Variants in SNTG1 observed in about 807,000 individuals in gnomAD.
SNTG1 encodes the protein syntrophin gamma 1, also known as gamma-1-syntrophin.
SNTG1 carries 39 observed loss-of-function variants against 74.7 expected under a neutral mutation model. That is an observed-to-expected ratio of 0.52 (90% CI 0.40 to 0.68). The LOEUF (loss-of-function observed/expected upper bound fraction) is 0.68. Ranked by LOEUF, SNTG1 falls within the 30% of genes least tolerant of loss-of-function variation. SNTG1 has a pLI of 0.00. For missense variants in SNTG1, 685 were observed against 609.5 expected, an observed-to-expected ratio of 1.12 and a Z score of -1.30; for synonymous variants, 254 against 217.1, an observed-to-expected ratio of 1.17 and a Z score of -1.49.
intron 2 of SNTG1, among the ~76,000 whole-genome samples, chr8:50,390,115 T>G (rs6998496): frequency 0.69 from 102,712 of 149,770 alleles, 35,477 homozygotes; most frequent in East Asian, 0.84. Flanking sequence ...ATTTTGGCTT[T>G]TGTTGCCATT....
At chr8:50,687,099 C>T (rs2095355670) in intron 15 of SNTG1, among the ~76,000 whole-genome samples, 1 of 148,160 alleles carries the variant, frequency 6.7e-6, no homozygotes, top group Non-Finnish European at 1.5e-5. Flanking sequence ...TGCGCCACTG[C>T]AGTCCGCAGT....
intron 2 of SNTG1, among the ~76,000 whole-genome samples, chr8:50,305,682 C>A (rs1293148731): frequency 6.6e-6 from 1 of 151,038 alleles, no homozygotes; most frequent in Non-Finnish European, 1.5e-5. Context: ...TTTAATAATA[C>A]CTTTTTATTT....
chr8:50,198,686 TA>T (rs2083871853), intron 2 of SNTG1, among the ~76,000 whole-genome samples: 1 of 152,226 alleles, frequency 6.6e-6, no homozygotes, highest in African/African-American at 2.4e-5. Context: ...TGATGCCTTG[TA>T]GAATTTTTAG....
intron 1 of SNTG1, among the ~76,000 whole-genome samples, chr8:49,990,674 A>T (rs552395730): frequency 5.9e-5 from 9 of 152,246 alleles, no homozygotes; most frequent in African/African-American, 2.2e-4. Flanking sequence ...TGGTAAATCT[A>T]TTTTCAATTT....
intron 1 of SNTG1, among the ~76,000 whole-genome samples, chr8:50,157,863 AC>A (rs2082301267): frequency 1.3e-5 from 2 of 152,180 alleles, no homozygotes; most frequent in South Asian, 4.1e-4. Context: ...AAAAGTAGTT[AC>A]CAAACCTAGA....
At chr8:49,938,544 C>CTTCTA (rs1808297175) in intron 1 of SNTG1, among the ~76,000 whole-genome samples, 1 of 105,086 alleles carries the variant, frequency 9.5e-6, no homozygotes, top group Non-Finnish European at 2.0e-5. Flanking sequence ...CTTACCATGC[C>CTTCTA]TTCTTTTCTT....
At chr8:50,021,084 A>T (rs1030469677) in intron 1 of SNTG1, among the ~76,000 whole-genome samples, 1 of 152,164 alleles carries the variant, frequency 6.6e-6, no homozygotes, top group Non-Finnish European at 1.5e-5. Context: ...CCACAGTTCC[A>T]GGTATTGCTT....
chr8:50,220,250 C>T (rs890293667), intron 2 of SNTG1, among the ~76,000 whole-genome samples: 9 of 152,066 alleles, frequency 5.9e-5, no homozygotes, highest in Non-Finnish European at 1.0e-4. Context: ...TCTTTAATGT[C>T]GATAGGAAGT....
At chr8:50,518,513 C>T (rs1191761337) in intron 9 of SNTG1, among the ~76,000 whole-genome samples, 1 of 152,024 alleles carries the variant, frequency 6.6e-6, no homozygotes, top group Non-Finnish European at 1.5e-5. Context: ...TCAATGAATC[C>T]AGGGGCTGTT....
intron 1 of SNTG1, among the ~76,000 whole-genome samples, chr8:50,095,121 A>G (rs994381325): frequency 4.6e-5 from 7 of 152,262 alleles, no homozygotes; most frequent in African/African-American, 1.7e-4. Context: ...ACATAGACAA[A>G]AAGACGGGAG....
In SNTG1 at chr8:50,060,602, G is replaced by C. The variant is rs191026615; in HGVS notation, c.-102-111959G>C. Among the ~76,000 whole-genome samples the C allele has an allele frequency of 2.5e-3, 375 of 151,832 alleles. 4 individuals carry two copies. Among genetic ancestry groups the C allele is most frequent in the Non-Finnish European group, 6.5e-4 (44 of 67,926 alleles). ...AACTTGGAACTTCTTGCACTATGTT[G>C]AATCAAAGCGGTGACAGCAGACATC... is the stretch of plus-strand genomic sequence containing the variant. On this transcript the variant is annotated intron_variant, in intron 1 of 18. Transcript: ENST00000642720.
intron 1 of SNTG1, among the ~76,000 whole-genome samples, chr8:50,161,752 A>G (rs1459210828): frequency 6.6e-6 from 1 of 152,176 alleles, no homozygotes; most frequent in African/African-American, 2.4e-5. Flanking sequence ...TATGGAAGAA[A>G]CAGAAAAGAA....
chr8:50,024,761 C>T (rs754397006), intron 1 of SNTG1, among the ~76,000 whole-genome samples: 4 of 151,920 alleles, frequency 2.6e-5, no homozygotes, highest in Non-Finnish European at 4.4e-5. Context: ...TTTATTGTAC[C>T]GTACTCACCC....
chr8:50,014,145 G>C (rs1246160542), intron 1 of SNTG1, among the ~76,000 whole-genome samples: 1 of 152,034 alleles, frequency 6.6e-6, no homozygotes, highest in African/African-American at 2.4e-5. Context: ...TGGCACAGTA[G>C]CCAAAGGCTA....
intron 12 of SNTG1, among the ~76,000 whole-genome samples, chr8:50,560,894 G>A (rs1034299927): frequency 6.6e-5 from 10 of 151,910 alleles, no homozygotes; most frequent in Admixed American, 2.6e-4. Context: ...AAATAAAGAA[G>A]GAAAACAAAT....
intron 1 of SNTG1, among the ~76,000 whole-genome samples, chr8:50,091,006 C>A (rs995772448): frequency 2.6e-5 from 4 of 152,078 alleles, no homozygotes; most frequent in African/African-American, 9.7e-5. Flanking sequence ...GGAGTGCTCA[C>A]AAGAATCTTA....
chr8:50,054,218 G>GGCTCCCTTCTGGGCA (rs1250591213), intron 1 of SNTG1, among the ~76,000 whole-genome samples: 5 of 151,860 alleles, frequency 3.3e-5, no homozygotes, highest in Non-Finnish European at 5.9e-5. Flanking sequence ...TTCCCAAATG[G>GGCTCCCTTCTGGGCA]GCTCCCTTCT....
intron 13 of SNTG1, among the ~76,000 whole-genome samples, chr8:50,625,099 C>T (rs1563662304): frequency 6.6e-6 from 1 of 152,144 alleles, no homozygotes; most frequent in Non-Finnish European, 1.5e-5. Context: ...AGGGCCTTGT[C>T]TAAGCTCTTC....
At chr8:50,740,510 G>A (rs1255240216) in intron 17 of SNTG1, among the ~76,000 whole-genome samples, 3 of 151,992 alleles carry the variant, frequency 2.0e-5, no homozygotes, top group African/African-American at 7.2e-5. Context: ...CAAGGTTGTA[G>A]AGAAAAAGGA....
Sources: allele counts gnomAD v4.1 joint callset (sites outside exome capture counted in the v4.1 genomes callset), GRCh38; gene constraint gnomAD v4.1.1; transcripts MANE v1.5; gene names NCBI Gene and HGNC (gene_info 2026-07-23, HGNC 2026-07-21).